Variants in RBFOX1 observed in about 807,000 individuals in gnomAD.
RBFOX1 encodes RNA binding protein fox-1 homolog 1.
In RBFOX1, 8 loss-of-function variants were observed where a neutral mutation model predicts 57.7. The observed-to-expected ratio is 0.14, with a 90% CI of 0.08 to 0.25. RBFOX1 has a LOEUF of 0.25. Ranked by LOEUF, RBFOX1 falls within the 10% of genes least tolerant of loss-of-function variation. The pLI is 1.00. For missense variants in RBFOX1, 611 were observed against 548.5 expected, an observed-to-expected ratio of 1.11 and a Z score of -1.14; for synonymous variants, 326 against 222.4, an observed-to-expected ratio of 1.47 and a Z score of -4.15.
chr16:6,945,470 A>T (rs1003851714), intron 3 of RBFOX1, among the ~76,000 whole-genome samples: 3 of 148,374 alleles, frequency 2.0e-5, no homozygotes, highest in Admixed American at 6.7e-5. Context: ...GGATATTTTG[A>T]TTTTTTTTTT....
chr16:7,676,714 T>A, intron 13 of RBFOX1, 60 bp from the exon 14 acceptor site: 1 of 1,428,208 alleles, frequency 7.0e-7, no homozygotes, highest in Non-Finnish European at 9.9e-7. Context: ...GTCTTGCCAC[T>A]GGGCATCCCT....
At position 6,959,048 on chromosome 16, in the gene RBFOX1, C is replaced by G. The variant is rs555606474; in HGVS notation, c.-15-93009C>G. Among the ~76,000 whole-genome samples the G allele has an allele frequency of 2.6e-4, 39 of 152,184 alleles. No individual in the cohort carries two copies. In the South Asian group the frequency reaches 5.8e-3, roughly 23 times the overall value. On this transcript the variant is annotated intron_variant, in intron 3 of 15. Coordinates refer to ENST00000550418, the MANE Select transcript of RBFOX1 (RefSeq NM_018723.4). Reference sequence around the variant, plus strand: ...AGTCATTTTTCAGAATAAAACTTCACCATCTAAGTAATATTATAGTTCTTA... The same window carrying G: ...AGTCATTTTTCAGAATAAAACTTCAGCATCTAAGTAATATTATAGTTCTTA...
chr16:7,572,168 C>T (rs1398908364), intron 5 of RBFOX1, among the ~76,000 whole-genome samples: 4 of 152,198 alleles, frequency 2.6e-5, no homozygotes, highest in East Asian at 1.9e-4. Flanking sequence ...ATAATGATCA[C>T]GATAATTATG....
At chr16:7,167,207 A>G (rs59032339) in intron 4 of RBFOX1, among the ~76,000 whole-genome samples, 100,650 of 151,196 alleles carry the variant, frequency 0.67, 34,336 homozygotes, top group Non-Finnish European at 0.74. Flanking sequence ...GCTGGTCTCA[A>G]ACTCCTGACC....
intron 4 of RBFOX1, among the ~76,000 whole-genome samples, chr16:7,305,607 C>T (rs762619928): frequency 6.6e-6 from 1 of 152,160 alleles, no homozygotes; most frequent in Non-Finnish European, 1.5e-5. Flanking sequence ...GAGTGGCCCT[C>T]TTCCCCAAGA....
intron 3 of RBFOX1, among the ~76,000 whole-genome samples, chr16:6,771,274 C>T (rs1454557362): frequency 6.6e-6 from 1 of 152,160 alleles, no homozygotes; most frequent in Non-Finnish European, 1.5e-5. Context: ...GTTGTTTAAG[C>T]CACACAGTCT....
At chr16:5,306,539 C>G (rs2063939038) in intron 1 of RBFOX1, among the ~76,000 whole-genome samples, 1 of 152,076 alleles carries the variant, frequency 6.6e-6, no homozygotes, top group Non-Finnish European at 1.5e-5. Flanking sequence ...AGCTCATGAC[C>G]TCAAGTGACC....
intron 4 of RBFOX1, among the ~76,000 whole-genome samples, chr16:7,320,391 C>G (rs2096525440): frequency 6.6e-6 from 1 of 152,192 alleles, no homozygotes. Context: ...ATCCATGTCC[C>G]TGCAAAAGAC....
chr16:6,135,134 T>C (rs2096657529), intron 1 of RBFOX1, among the ~76,000 whole-genome samples: 1 of 152,072 alleles, frequency 6.6e-6, no homozygotes, highest in Non-Finnish European at 1.5e-5. Flanking sequence ...CTGAGAATGA[T>C]GGTTATGGTA....
chr16:6,456,259 T>G (rs913352374), intron 2 of RBFOX1, among the ~76,000 whole-genome samples: 1 of 152,068 alleles, frequency 6.6e-6, no homozygotes, highest in Non-Finnish European at 1.5e-5. Flanking sequence ...AGAACATGGA[T>G]TAGTGTGTGT....
At chr16:7,442,484 T>C (rs983805951) in intron 4 of RBFOX1, among the ~76,000 whole-genome samples, 11 of 152,136 alleles carry the variant, frequency 7.2e-5, no homozygotes, top group African/African-American at 2.7e-4. Context: ...TCAAGGAGGT[T>C]GGGCAGGGAG....
chr16:5,916,338 C>A (rs1164514506), intron 4 of RBFOX1, among the ~76,000 whole-genome samples: 7 of 152,142 alleles, frequency 4.6e-5, no homozygotes, highest in Non-Finnish European at 1.0e-4. Flanking sequence ...TTTTGTCTTA[C>A]TGTCTATCAG....
At chr16:7,444,846 A>G (rs1355821264) in intron 4 of RBFOX1, among the ~76,000 whole-genome samples, 1 of 152,072 alleles carries the variant, frequency 6.6e-6, no homozygotes, top group Non-Finnish European at 1.5e-5. Flanking sequence ...TTTTACTCTT[A>G]ATCCTGGCCT....
At chr16:6,854,931 AGAG>A (rs2057546156) in intron 3 of RBFOX1, among the ~76,000 whole-genome samples, 4 of 151,602 alleles carry the variant, frequency 2.6e-5, no homozygotes, top group Admixed American at 2.0e-4. Flanking sequence ...TCTATATGAC[AGAG>A]GAGAACTTTG....
chr16:7,313,102 A>G (rs2096356341), intron 4 of RBFOX1, among the ~76,000 whole-genome samples: 1 of 152,148 alleles, frequency 6.6e-6, no homozygotes, highest in African/African-American at 2.4e-5. Flanking sequence ...GTACTTCCAC[A>G]TCACTCTTCA....
At chr16:6,595,062 C>T (rs1349883896) in intron 2 of RBFOX1, among the ~76,000 whole-genome samples, 1 of 152,146 alleles carries the variant, frequency 6.6e-6, no homozygotes, top group Non-Finnish European at 1.5e-5. Context: ...GCTGGGATTA[C>T]AGGCATGAGC....
intron 2 of RBFOX1, among the ~76,000 whole-genome samples, chr16:6,550,620 C>T (rs372056742): frequency 6.6e-6 from 1 of 152,224 alleles, no homozygotes; most frequent in Non-Finnish European, 1.5e-5. Context: ...GCCACTGTGC[C>T]CAGCCTTCAT....
At chr16:7,615,238 C>A (rs1345574193) in intron 10 of RBFOX1, among the ~76,000 whole-genome samples, 1 of 152,044 alleles carries the variant, frequency 6.6e-6, no homozygotes, top group Non-Finnish European at 1.5e-5. Context: ...GAGGCTGAGG[C>A]AGGAGAATGG....
chr16:6,243,777 G>C lies in RBFOX1; in HGVS notation c.-126-73218G>C, dbSNP rs374744415. ...CCTAGCACCTTGGTTTGGTTGGTAGGAGTTGTGATGGTGGGAACTTAGAGT... is the reference window on the plus strand; with the variant it reads ...CCTAGCACCTTGGTTTGGTTGGTAGCAGTTGTGATGGTGGGAACTTAGAGT... On this transcript the variant is annotated intron_variant, in intron 1 of 15. Transcript: ENST00000550418. Among the ~76,000 whole-genome samples, 46 of 152,280 alleles carry C rather than the reference G, an allele frequency of 3.0e-4. 1 individual carries two copies. The highest frequency in any genetic ancestry group is 1.0e-3 in the African/African-American group (43 of 41,564).
Sources: gnomAD v4.1 joint callset for allele counts (sites outside exome capture counted in the v4.1 genomes callset) on GRCh38, gnomAD v4.1.1 for gene constraint, MANE v1.5 for transcripts, NCBI Gene and HGNC (gene_info 2026-07-23, HGNC 2026-07-21) for gene names.